OSMR: variants seen among roughly 807,000 people sequenced by gnomAD.
The protein encoded by OSMR is oncostatin M receptor, also known as oncostatin-M-specific receptor subunit beta.
A neutral mutation model predicts 99.9 loss-of-function variants in OSMR; 81 were observed. That is an observed-to-expected ratio of 0.81 (90% CI 0.68 to 0.97). The LOEUF (loss-of-function observed/expected upper bound fraction) is 0.97. Ranked by LOEUF, OSMR falls within the 50% of genes least tolerant of loss-of-function variation. The pLI, the probability that OSMR is intolerant of heterozygous loss-of-function variation, is 0.00. For missense variants in OSMR, 1,099 were observed against 1,153.4 expected, an observed-to-expected ratio of 0.95 and a Z score of 0.68; for synonymous variants, 406 against 410.4, an observed-to-expected ratio of 0.99 and a Z score of 0.13.
intron 7 of OSMR, among the ~76,000 whole-genome samples, chr5:38,899,937 T>C (rs1200833090): frequency 6.6e-6 from 1 of 152,174 alleles, no homozygotes; most frequent in Admixed American, 6.5e-5. Flanking sequence ...TAGGTCATCT[T>C]TCCCCAAAGT....
intron 9 of OSMR, among the ~76,000 whole-genome samples, chr5:38,913,988 A>G (rs2112604606): frequency 6.6e-6 from 1 of 152,146 alleles, no homozygotes; most frequent in South Asian, 2.1e-4. Context: ...TTCTTAAGGG[A>G]GGCCATTTTC....
chr5:38,933,372 C>G lies in OSMR; in HGVS notation c.2868C>G (p.Ala956=). 1.2e-6 allele frequency: 2 copies of G among 1,614,096 alleles called. No homozygotes were observed. The highest frequency in any genetic ancestry group is 1.7e-6 in the Non-Finnish European group (2 of 1,179,954). ...KMQMAVSLRL[A]LPPPTENSSL... ...AAATGGCAGTCTCCCTGCGTCTTGC[C>G]TTGCCTCCCCCGACCGAGAATAGCA... Residue 956 remains alanine (A), a synonymous_variant, in exon 18 of 18, where the codon GCC becomes GCG. Coordinates refer to ENST00000274276, the MANE Select transcript of OSMR (RefSeq NM_003999.3).
intron 1 of OSMR, chr5:38,940,905 T>C (rs902671483): frequency 3.9e-5 from 9 of 232,384 alleles, no homozygotes; most frequent in Non-Finnish European, 6.8e-5. Context: ...GTGTCAAAAC[T>C]GATGTGTAAT....
At chr5:38,923,326 G>A in intron 13 of OSMR, 72 bp downstream of exon 13, 1 of 1,001,394 alleles carries the variant, frequency 1.0e-6, no homozygotes, top group Non-Finnish European at 1.6e-6. Context: ...CTAGCTTTGG[G>A]TTTAGGAAGC....
intron 1 of OSMR, chr5:38,943,150 G>A: frequency 2.9e-6 from 1 of 347,062 alleles, no homozygotes; most frequent in Non-Finnish European, 4.8e-6. Flanking sequence ...TAGACATTCT[G>A]AGTTTGGGTT....
chr5:38,916,845 G>T (rs976992794), intron 9 of OSMR, among the ~76,000 whole-genome samples: 12 of 152,146 alleles, frequency 7.9e-5, no homozygotes, highest in African/African-American at 2.9e-4. Context: ...CGAAGTGCCA[G>T]GCCCTGAGGC....
rs61559728 is a variant in OSMR at position 38,852,718 on chromosome 5, A to ATTTTTTTTTT, written c.-14+6352_-14+6361dup. The stretch of plus-strand genomic sequence containing the variant: ...GATACATATTGAAACTATTGTTTTC[A>ATTTTTTTTTT]TTTTTTTTTTTTTTTTTTTTTTTTT... On this transcript the variant is annotated intron_variant, in intron 1 of 17. Coordinates refer to ENST00000274276, the MANE Select transcript of OSMR (RefSeq NM_003999.3). 5.4e-3 allele frequency among the ~76,000 whole-genome samples: 379 copies of ATTTTTTTTTT among 70,666 alleles called. 74 individuals are homozygous for ATTTTTTTTTT. The highest frequency in any genetic ancestry group is 7.0e-3 in the African/African-American group (131 of 18,682). 46.4% of individuals were successfully genotyped at this position (70,666 alleles called of 152,430 possible).
At chr5:38,930,228 G>A (rs142749312) in intron 15 of OSMR, among the ~76,000 whole-genome samples, 1 of 152,272 alleles carries the variant, frequency 6.6e-6, no homozygotes, top group East Asian at 1.9e-4. Context: ...CTGTTCTTGA[G>A]AGCAAGGTTT....
chr5:38,944,762 C>T lies in OSMR; in HGVS notation c.*87-184C>T, dbSNP rs953035852. 4.8e-6 allele frequency: 4 copies of T among 837,856 alleles called. No homozygotes were observed. In the Admixed American group the frequency reaches 1.0e-4, roughly 21 times the overall value. 51.9% of individuals were successfully genotyped at this position (837,856 alleles called of 1,614,324 possible). A position where few individuals can be genotyped will look rare whatever the true frequency, so the allele number is the denominator to read the frequency against. ...TCTATGTCAGTGGGTGATATAGGTG[C>T]AATAATTAACAGTGTTAAATTGCTT... On this transcript the variant is annotated intron_variant and NMD_transcript_variant, in intron 2 of 2. Transcript: ENST00000508882.
At chr5:38,872,538 G>A (rs1200756317) in intron 2 of OSMR, among the ~76,000 whole-genome samples, 1 of 152,182 alleles carries the variant, frequency 6.6e-6, no homozygotes, top group Non-Finnish European at 1.5e-5. Flanking sequence ...AATCTAAGGA[G>A]GAATTGCACA....
chr5:38,910,861 T>C (rs1206580888), intron 9 of OSMR, among the ~76,000 whole-genome samples: 1 of 152,022 alleles, frequency 6.6e-6, no homozygotes, highest in Admixed American at 6.5e-5. Flanking sequence ...AATACAAAAA[T>C]TAGCCAGGCG....
intron 1 of OSMR, chr5:38,942,164 C>A: frequency 2.1e-6 from 1 of 466,408 alleles, no homozygotes; most frequent in Non-Finnish European, 3.9e-6. Flanking sequence ...TCCAACTGTT[C>A]ATGTACCAGT....
chr5:38,870,184 G>A (rs1303805166), intron 2 of OSMR, among the ~76,000 whole-genome samples: 1 of 152,120 alleles, frequency 6.6e-6, no homozygotes, highest in East Asian at 1.9e-4. Context: ...TTTGATGTTA[G>A]TCTCTTCTAA....
chr5:38,856,686 G>A (rs545252498), intron 1 of OSMR, among the ~76,000 whole-genome samples: 1 of 152,314 alleles, frequency 6.6e-6, no homozygotes, highest in South Asian at 2.1e-4. Flanking sequence ...CTGACACCCA[G>A]GCTGGAATGT....
At chr5:38,871,141 A>G (rs1742356690) in intron 2 of OSMR, among the ~76,000 whole-genome samples, 1 of 152,228 alleles carries the variant, frequency 6.6e-6, no homozygotes, top group Admixed American at 6.5e-5. Context: ...GTACTCGGTT[A>G]CACAGGGTCT....
intron 2 of OSMR, among the ~76,000 whole-genome samples, chr5:38,875,609 A>G (rs377429250): frequency 6.6e-6 from 1 of 152,176 alleles, no homozygotes; most frequent in East Asian, 1.9e-4. Flanking sequence ...TGTCTCTCCA[A>G]CTAGCTTCCT....
intron 7 of OSMR, among the ~76,000 whole-genome samples, chr5:38,898,670 A>G (rs1466306159): frequency 6.6e-6 from 1 of 151,998 alleles, no homozygotes; most frequent in Non-Finnish European, 1.5e-5. Context: ...TTATGGTCTT[A>G]TCTTTCTTCT....
intron 17 of OSMR, 75 bp downstream of exon 17, chr5:38,932,610 A>G: frequency 1.9e-6 from 3 of 1,572,956 alleles, no homozygotes; most frequent in Non-Finnish European, 2.6e-6. Context: ...TCAGAATCCT[A>G]CTTTCCTAGA....
intron 16 of OSMR, 55 bp downstream of exon 16, chr5:38,932,019 A>G (rs1746775710): frequency 2.3e-6 from 3 of 1,281,686 alleles, no homozygotes; most frequent in East Asian, 2.3e-5. Flanking sequence ...AAGTCTGGAA[A>G]GAGATTTAGT....
Sources: gnomAD v4.1 joint callset for allele counts (sites outside exome capture counted in the v4.1 genomes callset) on GRCh38, gnomAD v4.1.1 for gene constraint, MANE v1.5 for transcripts, NCBI Gene and HGNC (gene_info 2026-07-23, HGNC 2026-07-21) for gene names.